Variants in PKHD1 observed in about 807,000 individuals in gnomAD.
PKHD1 encodes fibrocystin.
PKHD1 carries 291 observed loss-of-function variants against 412.0 expected under a neutral mutation model. The observed-to-expected ratio is 0.71, with a 90% CI of 0.64 to 0.78. The LOEUF is 0.78. Ranked by LOEUF, PKHD1 falls within the 30% of genes least tolerant of loss-of-function variation. The pLI is 0.00. For synonymous variants in PKHD1, 1,777 were observed against 1,821.5 expected (o/e 0.98, Z 0.62); for missense variants, 4,825 against 4,950.7 (o/e 0.97, Z 0.76).
At chr6:52,013,472 C>A in intron 34 of PKHD1, among the ~76,000 whole-genome samples, 1 of 152,182 alleles carries the variant, frequency 6.6e-6, no homozygotes, top group East Asian at 1.9e-4. Flanking sequence ...AATAGGTTAA[C>A]ATTTACAAAA....
chr6:51,916,454 T>A (rs938360781), intron 37 of PKHD1, among the ~76,000 whole-genome samples: 2 of 152,166 alleles, frequency 1.3e-5, no homozygotes, highest in African/African-American at 4.8e-5. Flanking sequence ...AGGACAAGAT[T>A]ATATGGTAAT....
At chr6:51,841,645 G>A (rs1473417236) in intron 50 of PKHD1, among the ~76,000 whole-genome samples, 1 of 152,184 alleles carries the variant, frequency 6.6e-6, no homozygotes, top group African/African-American at 2.4e-5. Flanking sequence ...GAATGCTGTG[G>A]ATTGCCTTAG....
rs66966800 is a variant in PKHD1 at position 51,903,832 on chromosome 6, C to CATATATATATATATATATATATATATAT, written c.6865+126_6866-106dup. The CATATATATATATATATATATATATATAT allele has an allele frequency of 9.6e-6, 4 of 417,300 alleles. No homozygotes were observed. The African/African-American group carries it at 1.0e-4, about 11-fold the overall frequency. 25.8% of individuals were successfully genotyped at this position (417,300 alleles called of 1,614,324 possible). A position where few individuals can be genotyped will look rare whatever the true frequency, so the allele number is the denominator to read the frequency against. ...ACATCAGAGTTCACATAATGCATTTCATATATATATATATATATATATATA... is the reference window on the plus strand; with the variant it reads ...ACATCAGAGTTCACATAATGCATTTCATATATATATATATATATATATATATATATATATATATATATATATATATATA... On this transcript the variant is annotated intron_variant, in intron 42 of 66. Transcript: ENST00000371117.
chr6:52,056,827 G>A (rs750389170), intron 17 of PKHD1, 39 bp from the exon 18 acceptor site: 4 of 1,582,622 alleles, frequency 2.5e-6, no homozygotes, highest in Non-Finnish European at 3.5e-6. Context: ...TTTATATCAT[G>A]AGCATAAAGA....
Position 52,027,915 on chromosome 6 carries a change from T to G in PKHD1, c.3561-19A>C, listed in dbSNP as rs771929359. On this transcript the variant is annotated intron_variant, in intron 30 of 66. Transcript: ENST00000371117. Reference sequence around the variant, plus strand: ...ATCAACCCTACAGAAGATAGGCAGATGTTTAGGAAATAACTGACAGAGAGA... The same window carrying G: ...ATCAACCCTACAGAAGATAGGCAGAGGTTTAGGAAATAACTGACAGAGAGA... 1 of 1,591,826 alleles carries G rather than the reference T, an allele frequency of 6.3e-7. No individual in the cohort carries two copies. Among genetic ancestry groups the G allele is most frequent in the African/African-American group, 1.3e-5 (1 of 74,500 alleles).
At chr6:52,070,957 GAGAA>G (rs1407837288) in intron 9 of PKHD1, 45 bp downstream of exon 9, 1 of 1,138,700 alleles carries the variant, frequency 8.8e-7, no homozygotes, top group Non-Finnish European at 1.3e-6. Context: ...TCCGGATACA[GAGAA>G]AGAAATGGAT....
At chr6:51,830,334 G>T (rs1252194010) in intron 52 of PKHD1, among the ~76,000 whole-genome samples, 1 of 152,098 alleles carries the variant, frequency 6.6e-6, no homozygotes, top group Non-Finnish European at 1.5e-5. Flanking sequence ...GTGTATACTG[G>T]AAGATAGGTC....
At chr6:52,016,390 CTT>C (rs1416018165) in intron 34 of PKHD1, among the ~76,000 whole-genome samples, 1 of 152,070 alleles carries the variant, frequency 6.6e-6, no homozygotes, top group Non-Finnish European at 1.5e-5. Flanking sequence ...AATCCTAGCA[CTT>C]TGGGAGACCA....
At chr6:51,744,662 T>G (rs942932625) in intron 59 of PKHD1, 120 bp from the exon 60 acceptor site, 9 of 743,064 alleles carry the variant, frequency 1.2e-5, no homozygotes, top group Non-Finnish European at 1.9e-5. Flanking sequence ...ATTGACAATG[T>G]GTTACATAGA....
intron 60 of PKHD1, among the ~76,000 whole-genome samples, chr6:51,713,327 T>C (rs1780865159): frequency 6.6e-6 from 1 of 152,208 alleles, no homozygotes; most frequent in South Asian, 2.1e-4. Flanking sequence ...CAAATCCTTT[T>C]GAAAATTTCT....
intron 53 of PKHD1, among the ~76,000 whole-genome samples, chr6:51,783,055 G>C (rs572012756): frequency 1.5e-4 from 23 of 152,206 alleles, no homozygotes; most frequent in African/African-American, 5.3e-4. Context: ...GATGACCTTA[G>C]GCTTCTGGCT....
chr6:52,070,807 C>A (rs1284300882), intron 9 of PKHD1, among the ~76,000 whole-genome samples, 199 bp downstream of exon 9: 4 of 152,170 alleles, frequency 2.6e-5, no homozygotes, highest in Non-Finnish European at 5.9e-5. Flanking sequence ...ATACCACCAA[C>A]TTCACAGGTG....
intron 35 of PKHD1, among the ~76,000 whole-genome samples, chr6:51,984,967 T>C (rs1562060412): frequency 6.6e-6 from 1 of 152,078 alleles, no homozygotes; most frequent in South Asian, 2.1e-4. Flanking sequence ...AGCAAGAAAG[T>C]TGGATTCTTT....
rs140434209 is a variant in PKHD1 at position 51,718,205 on chromosome 6, A to C, written c.10156+26180T>G. ...GCTGATTAGACATTGCAGGGGAAAA[A>C]GCACTTCCCTTATCCCTTCAAATCA... On this transcript the variant is annotated intron_variant, in intron 60 of 66. Transcript: ENST00000371117. 5.3e-5 allele frequency among the ~76,000 whole-genome samples: 8 copies of C among 152,304 alleles called. No homozygotes were observed. The East Asian group carries it at 1.5e-3, about 29-fold the overall frequency.
chr6:51,662,475 T>C lies in PKHD1; in HGVS notation c.10157-2506A>G, dbSNP rs779549618. ...AATATTTAAAATTTTTATTTGTCAA[T>C]TATGCCTCATAAAAGCTGGAAAAAA... On this transcript the variant is annotated intron_variant, in intron 60 of 66. Coordinates refer to ENST00000371117, the MANE Select transcript of PKHD1 (RefSeq NM_138694.4). Among the ~76,000 whole-genome samples the C allele has an allele frequency of 7.9e-5, 12 of 151,980 alleles. No homozygotes were observed. The East Asian group carries it at 2.1e-3, about 27-fold the overall frequency.
intron 52 of PKHD1, among the ~76,000 whole-genome samples, chr6:51,805,757 T>G (rs148297314): frequency 1.3e-5 from 2 of 152,124 alleles, no homozygotes; most frequent in Non-Finnish European, 2.9e-5. Context: ...TTCAGAGTGC[T>G]CTGGCTGCAG....
At chr6:51,896,513 T>C (rs932309901) in intron 43 of PKHD1, among the ~76,000 whole-genome samples, 1 of 151,852 alleles carries the variant, frequency 6.6e-6, no homozygotes, top group Non-Finnish European at 1.5e-5. Context: ...AACCCATCTG[T>C]ACATCACCAT....
intron 36 of PKHD1, among the ~76,000 whole-genome samples, chr6:51,955,873 A>T (rs989384820): frequency 6.6e-6 from 1 of 152,106 alleles, no homozygotes; most frequent in Non-Finnish European, 1.5e-5. Context: ...TATCAGAAAA[A>T]GTAAAGAAAA....
chr6:51,706,361 A>AACAG (rs1180146664), intron 60 of PKHD1, among the ~76,000 whole-genome samples: 1 of 152,088 alleles, frequency 6.6e-6, no homozygotes, highest in Non-Finnish European at 1.5e-5. Flanking sequence ...TAATGCTTCC[A>AACAG]ACCTGTCTAA....
Sources: gnomAD v4.1 joint callset for allele counts (sites outside exome capture counted in the v4.1 genomes callset) on GRCh38, gnomAD v4.1.1 for gene constraint, MANE v1.5 for transcripts, NCBI Gene and HGNC (gene_info 2026-07-23, HGNC 2026-07-21) for gene names.